The following BPIFB4 variants were observed in gnomAD, a reference collection of about 807,000 sequenced individuals.
The protein encoded by BPIFB4 is BPI fold-containing family B member 4.
Under a neutral mutation model 69.2 loss-of-function variants are expected in BPIFB4, and 62 were observed. The ratio of observed to expected loss-of-function variants is 0.90; its 90% CI spans 0.73 to 1.11. The LOEUF is 1.11. Among genes scored for constraint, BPIFB4 ranks in the 50% least tolerant of loss-of-function variants. BPIFB4 has a pLI of 0.00. For missense variants in BPIFB4, 789 were observed against 792.0 expected (o/e 1.00, Z 0.04); for synonymous variants, 330 against 332.7 (o/e 0.99, Z 0.09).
intron 7 of BPIFB4, 124 bp from the exon 8 acceptor site, chr20:33,088,842 C>T: frequency 1.3e-6 from 2 of 1,520,114 alleles, no homozygotes; most frequent in South Asian, 2.5e-5. Context: ...AGCTTTCGAA[C>T]AGTTTTCCAG....
chr20:33,087,717 AACACACACACAC>A (rs1555882746), intron 7 of BPIFB4, among the ~76,000 whole-genome samples: 1 of 59,394 alleles, frequency 1.7e-5, no homozygotes, highest in East Asian at 1.5e-3. Flanking sequence ...CTATCCCCTC[AACACACACACAC>A]ACACACACAC....
chr20:33,104,971 A>C, intron 16 of BPIFB4, 98 bp downstream of exon 16: 12 of 1,235,970 alleles, frequency 9.7e-6, no homozygotes, highest in Non-Finnish European at 1.4e-5. Context: ...ATCCTACCTC[A>C]ATAGTATTTC....
At chr20:33,085,725 G>A (rs559140406) in intron 6 of BPIFB4, among the ~76,000 whole-genome samples, 22 of 152,298 alleles carry the variant, frequency 1.4e-4, no homozygotes, top group African/African-American at 4.8e-4. Flanking sequence ...GCTTCTGTGT[G>A]GACTTATCCC....
chr20:33,087,753 C>CACACACACACACACACAA (rs56030970), intron 7 of BPIFB4, among the ~76,000 whole-genome samples: 17,294 of 140,556 alleles, frequency 0.12, 1,455 homozygotes, highest in Middle Eastern at 0.16. Context: ...CACACACACA[C>CACACACACACACACACAA]AAGCATGCAT....
intron 12 of BPIFB4, among the ~76,000 whole-genome samples, chr20:33,095,904 G>T (rs1981740574): frequency 6.6e-6 from 1 of 152,100 alleles, no homozygotes; most frequent in South Asian, 2.1e-4. Flanking sequence ...CCCAGTTCTG[G>T]TCCCATGTCT....
intron 17 of BPIFB4, among the ~76,000 whole-genome samples, chr20:33,109,032 C>A (rs1405137902): frequency 6.6e-6 from 1 of 152,072 alleles, no homozygotes; most frequent in Non-Finnish European, 1.5e-5. Context: ...GGACAATGAC[C>A]TTGGATGGGC....
intron 17 of BPIFB4, among the ~76,000 whole-genome samples, chr20:33,110,962 C>T (rs1047337459): frequency 8.6e-5 from 13 of 151,684 alleles, no homozygotes; most frequent in South Asian, 2.1e-4. Flanking sequence ...ATTACAGGCA[C>T]GTGCCACCAT....
chr20:33,092,362 C>T, intron 10 of BPIFB4, 96 bp from the exon 11 acceptor site: 1 of 1,178,266 alleles, frequency 8.5e-7, no homozygotes, highest in African/African-American at 1.5e-5. Context: ...CCAAAAATGG[C>T]TGCCTGGAGG....
chr20:33,089,836 C>T (rs538088165), intron 9 of BPIFB4, among the ~76,000 whole-genome samples: 1 of 152,136 alleles, frequency 6.6e-6, no homozygotes, highest in Admixed American at 6.5e-5. Flanking sequence ...GGTAATGGCT[C>T]GTCCTGGGAG....
At chr20:33,102,030 A>G (rs1480451468) in intron 14 of BPIFB4, among the ~76,000 whole-genome samples, 1 of 152,216 alleles carries the variant, frequency 6.6e-6, no homozygotes, top group Non-Finnish European at 1.5e-5. Flanking sequence ...TGCACATCAG[A>G]GACATCCAGG....
intron 13 of BPIFB4, among the ~76,000 whole-genome samples, chr20:33,098,013 G>A (rs189160823): frequency 6.6e-6 from 1 of 152,222 alleles, no homozygotes; most frequent in East Asian, 1.9e-4. Flanking sequence ...TAACTCTCTT[G>A]CTGGCCTTGC....
intron 1 of BPIFB4, among the ~76,000 whole-genome samples, 200 bp downstream of exon 1, chr20:33,079,903 C>T (rs982984524): frequency 1.3e-5 from 2 of 152,220 alleles, no homozygotes; most frequent in African/African-American, 4.8e-5. Flanking sequence ...CAATTACATG[C>T]ATGCGCAGAG....
intron 7 of BPIFB4, 93 bp from the exon 8 acceptor site, chr20:33,088,873 T>A: frequency 6.3e-7 from 1 of 1,593,940 alleles, no homozygotes; most frequent in Non-Finnish European, 8.6e-7. Context: ...TTCTCACTGT[T>A]CAGAGCCTGG....
intron 14 of BPIFB4, 35 bp from the exon 15 acceptor site, chr20:33,102,937 C>T: frequency 6.2e-7 from 1 of 1,610,270 alleles, no homozygotes; most frequent in Non-Finnish European, 8.5e-7. Context: ...TTCAGGCAAT[C>T]CCTGCTTCTC....
Position 33,100,470 on chromosome 20 carries a change from C to T in BPIFB4, c.1614C>T (p.Leu538=). ...CATTTTCCACAGAAGGAGATAAGCT[C>T]ATGATTGATGCCAAGCTGGAGAAGT... ...LASFSTEGDK[L]MIDAKLEKTS... The change falls in exon 14 of 18, where the codon CTC becomes CTT. Residue 538 remains leucine (L), a synonymous_variant. Transcript: ENST00000375483. The T allele has an allele frequency of 1.9e-6, 3 of 1,608,140 alleles. No homozygotes were observed.
chr20:33,103,671 G>T (rs1014030028), intron 15 of BPIFB4, among the ~76,000 whole-genome samples: 1 of 137,324 alleles, frequency 7.3e-6, no homozygotes, highest in African/African-American at 2.7e-5. Flanking sequence ...GCATCTGCTA[G>T]CTTTCTGGGA....
chr20:33,084,022 C>G, intron 5 of BPIFB4, 148 bp downstream of exon 5: 1 of 968,998 alleles, frequency 1.0e-6, no homozygotes, highest in Non-Finnish European at 1.5e-6. Context: ...TTTTAAGACC[C>G]CCAAGTTACA....
chr20:33,085,386 C>T (rs899468037), intron 6 of BPIFB4, among the ~76,000 whole-genome samples: 11 of 152,140 alleles, frequency 7.2e-5, no homozygotes, highest in Non-Finnish European at 8.8e-5. Context: ...ACCCAGGAGG[C>T]GGAGGTTGCA....
intron 16 of BPIFB4, among the ~76,000 whole-genome samples, chr20:33,107,262 GAA>G (rs1369821865): frequency 6.7e-6 from 1 of 149,754 alleles, no homozygotes; most frequent in Non-Finnish European, 1.5e-5. Context: ...GAAAAGAAGA[GAA>G]AAGAGAAAAG....
Sources: allele counts gnomAD v4.1 joint callset (sites outside exome capture counted in the v4.1 genomes callset), GRCh38; gene constraint gnomAD v4.1.1; transcripts MANE v1.5; gene names NCBI Gene and HGNC (gene_info 2026-07-23, HGNC 2026-07-21).